The following CDH23 variants were observed in gnomAD, a reference collection of about 807,000 sequenced individuals.
CDH23 encodes cadherin related 23, also known as cadherin-23.
CDH23 carries 189 observed loss-of-function variants against 317.1 expected under a neutral mutation model. The ratio of observed to expected loss-of-function variants is 0.60; its 90% confidence interval spans 0.53 to 0.67. CDH23 has a LOEUF of 0.67. Ranked by LOEUF, CDH23 falls within the 30% of genes least tolerant of loss-of-function variation. CDH23 has a pLI of 0.00. For missense variants in CDH23, 4,401 were observed against 4,592.4 expected, an observed-to-expected ratio of 0.96 and a Z score of 1.20; for synonymous variants, 1,839 against 1,876.8, an observed-to-expected ratio of 0.98 and a Z score of 0.52.
At chr10:71,763,034 C>T (rs1223526035) in intron 38 of CDH23, among the ~76,000 whole-genome samples, 1 of 152,170 alleles carries the variant, frequency 6.6e-6, no homozygotes, top group Non-Finnish European at 1.5e-5. Flanking sequence ...CTCCTCTGTG[C>T]AGTGAGAAAA....
chr10:71,479,144 G>A (rs12260312), intron 3 of CDH23, among the ~76,000 whole-genome samples: 24,415 of 152,128 alleles, frequency 0.16, 2,052 homozygotes, highest in Middle Eastern at 0.2. Flanking sequence ...TGCCCTGACC[G>A]GGCTCACACA....
At chr10:71,594,962 C>A (rs1859742162) in intron 9 of CDH23, among the ~76,000 whole-genome samples, 1 of 152,160 alleles carries the variant, frequency 6.6e-6, no homozygotes, top group Non-Finnish European at 1.5e-5. Flanking sequence ...ACAGGATGTG[C>A]CATGAGAAAG....
intron 1 of CDH23, among the ~76,000 whole-genome samples, chr10:71,416,183 C>G (rs1409978019): frequency 6.6e-6 from 1 of 152,152 alleles, no homozygotes; most frequent in Non-Finnish European, 1.5e-5. Context: ...CACCACCATG[C>G]CCGGCTAATT....
intron 3 of CDH23, among the ~76,000 whole-genome samples, chr10:71,461,560 G>A (rs1237777332): frequency 6.6e-6 from 1 of 152,170 alleles, no homozygotes; most frequent in Non-Finnish European, 1.5e-5. Context: ...CCCTGGGAGT[G>A]GTGCACCAGC....
At chr10:71,470,922 C>T (rs1354009054) in intron 3 of CDH23, among the ~76,000 whole-genome samples, 2 of 152,140 alleles carry the variant, frequency 1.3e-5, no homozygotes, top group Non-Finnish European at 2.9e-5. Flanking sequence ...CATATATCTA[C>T]TTTGGTGAAG....
intron 26 of CDH23, among the ~76,000 whole-genome samples, chr10:71,707,930 G>A (rs757164045): frequency 6.6e-6 from 1 of 152,102 alleles, no homozygotes; most frequent in African/African-American, 2.4e-5. Context: ...TGCGGCCAAC[G>A]TGACCTCCCA....
chr10:71,686,336 G>A (rs1333162672), intron 18 of CDH23, among the ~76,000 whole-genome samples: 1 of 152,090 alleles, frequency 6.6e-6, no homozygotes, highest in Non-Finnish European at 1.5e-5. Context: ...CGCAGCTGGG[G>A]CATTGGACAT....
chr10:71,815,722 CAA>C lies in CDH23; in HGVS notation c.*445_*446del, dbSNP rs1383411585. The C allele has an allele frequency of 6.2e-6, 1 of 161,162 alleles. No individual in the cohort carries two copies. The highest frequency in any genetic ancestry group is 2.4e-5 in the African/African-American group (1 of 41,686). 10.0% of individuals were successfully genotyped at this position (161,162 alleles called of 1,614,324 possible). ...GCTGGCCGGACACCCGACTCCAGTC[CAA>C]GTCTCGCTACATTTCCGCCACATCC... On this transcript the variant is annotated 3_prime_UTR_variant, in exon 70 of 70. Coordinates refer to ENST00000224721, the MANE Select transcript of CDH23 (RefSeq NM_022124.6).
chr10:71,473,219 G>A (rs563479363), intron 3 of CDH23, among the ~76,000 whole-genome samples: 5 of 152,246 alleles, frequency 3.3e-5, no homozygotes, highest in Non-Finnish European at 5.9e-5. Context: ...TGGAGAGGCG[G>A]TGTTCTGGAA....
At chr10:71,797,553 A>G (rs776947471) in intron 49 of CDH23, among the ~76,000 whole-genome samples, 3 of 152,244 alleles carry the variant, frequency 2.0e-5, no homozygotes, top group Admixed American at 6.5e-5. Context: ...TTCAGCCAGC[A>G]GAACTGGTAA....
At chr10:71,452,686 T>C (rs1041170198) in intron 3 of CDH23, among the ~76,000 whole-genome samples, 5 of 152,186 alleles carry the variant, frequency 3.3e-5, no homozygotes, top group African/African-American at 1.2e-4. Flanking sequence ...CATTGGTCTA[T>C]TAATTTTTAC....
At chr10:71,749,360 G>A (rs1201474270) in intron 38 of CDH23, 1 of 152,128 alleles carries the variant, frequency 6.6e-6, no homozygotes, top group Admixed American at 6.5e-5. Context: ...AGGCTGGAGT[G>A]TAGTGGCTCG....
chr10:71,472,455 C>A (rs938844078), intron 3 of CDH23, among the ~76,000 whole-genome samples: 1 of 152,252 alleles, frequency 6.6e-6, no homozygotes, highest in African/African-American at 2.4e-5. Flanking sequence ...AATCCCCTCT[C>A]TTCGCAGCTC....
intron 6 of CDH23, among the ~76,000 whole-genome samples, chr10:71,551,946 C>T (rs1856619466): frequency 6.6e-6 from 1 of 152,186 alleles, no homozygotes; most frequent in East Asian, 1.9e-4. Flanking sequence ...ACAACATAGC[C>T]GGGCACCCTC....
intron 14 of CDH23, among the ~76,000 whole-genome samples, chr10:71,648,234 C>A (rs186671422): frequency 1.4e-3 from 208 of 152,344 alleles, no homozygotes; most frequent in African/African-American, 4.8e-3. Flanking sequence ...GCGCTTGAGG[C>A]CCCCTGGACC....
Position 71,789,004 on chromosome 10 carries a change from G to T in CDH23, c.5885G>T (p.Ser1962Ile). The T allele has an allele frequency of 6.2e-7, 1 of 1,601,370 alleles. No homozygotes were observed. The highest frequency in any genetic ancestry group is 8.6e-7 in the Non-Finnish European group (1 of 1,168,430). ...ENDNHPLFTKSTYQAEVMENS... is the reference protein window; with the variant it reads ...ENDNHPLFTKITYQAEVMENS... Reference sequence around the variant, plus strand: ...GACAACCACCCCCTCTTCACTAAAAGCACCTACCAGGCAGAGGTGATGGAA... The same window carrying T: ...GACAACCACCCCCTCTTCACTAAAATCACCTACCAGGCAGAGGTGATGGAA... Residue 1962 changes from serine to isoleucine, a missense_variant, in exon 45 of 70, where the codon AGC becomes ATC. Ser to Ile is a moderately radical substitution (Grantham distance 142, BLOSUM62 -2). Around this residue, in one of 3 missense-constraint regions of CDH23, gnomAD observed 3,068 missense variants for 3,203.3 expected, o/e 0.96. Coordinates refer to ENST00000224721, the MANE Select transcript of CDH23 (RefSeq NM_022124.6).
chr10:71,730,537 G>A lies in CDH23; in HGVS notation c.3648G>A (p.Leu1216=), dbSNP rs545239119. 3 of 1,613,984 alleles carry A rather than the reference G, an allele frequency of 1.9e-6. No individual in the cohort carries two copies. The highest frequency in any genetic ancestry group is 2.2e-5 in the East Asian group (1 of 44,884). ...TCACACAGCAGCAGTACAGCCGTCT[G>A]GGGCTTCGAGAGACCGCAGGCATTG... The part of the protein sequence containing the change: ...PVFTQQQYSR[L]GLRETAGIGT... The change falls in exon 31 of 70, where the codon CTG becomes CTA. Residue 1216 remains leucine (L), a synonymous_variant. Coordinates refer to ENST00000224721, the MANE Select transcript of CDH23 (RefSeq NM_022124.6).
chr10:71,723,563 G>A (rs546877523), intron 28 of CDH23, among the ~76,000 whole-genome samples: 2 of 152,168 alleles, frequency 1.3e-5, no homozygotes, highest in Admixed American at 6.5e-5. Flanking sequence ...GGGCTTCCAC[G>A]AAGTGACCGT....
chr10:71,766,022 C>T (rs1170232302), intron 38 of CDH23, among the ~76,000 whole-genome samples: 2 of 152,174 alleles, frequency 1.3e-5, no homozygotes, highest in African/African-American at 2.4e-5. Flanking sequence ...GAAGGCATGG[C>T]ATGGGGGAGA....
Sources: allele counts gnomAD v4.1 joint callset (sites outside exome capture counted in the v4.1 genomes callset), GRCh38; gene constraint gnomAD v4.1.1; regional missense constraint gnomAD v4.1.1; transcripts MANE v1.5; gene names NCBI Gene and HGNC (gene_info 2026-07-23, HGNC 2026-07-21).